CCDC88B: variants seen among roughly 807,000 people sequenced by gnomAD.
The protein encoded by CCDC88B is coiled-coil domain-containing protein 88B.
CCDC88B carries 138 observed loss-of-function variants against 183.7 expected under a neutral mutation model. That is an observed-to-expected ratio of 0.75 (90% CI 0.65 to 0.87). The LOEUF (loss-of-function observed/expected upper bound fraction) is 0.87. Among genes scored for constraint, CCDC88B ranks in the 40% least tolerant of loss-of-function variants. The pLI, the probability that CCDC88B is intolerant of heterozygous loss-of-function variation, is 0.00. For synonymous variants in CCDC88B, 835 were observed against 867.5 expected, an observed-to-expected ratio of 0.96 and a Z score of 0.66; for missense variants, 1,822 against 1,965.6, an observed-to-expected ratio of 0.93 and a Z score of 1.38.
chr11:64,342,530 G>C lies in CCDC88B; in HGVS notation c.912G>C (p.Ala304=), dbSNP rs2035915172. Reference sequence around the variant, plus strand: ...CACACCGTCTGGCCCAGGCCCAGGCGCTGTCGGGACAGGCCAAGCGGGCCG... The same window carrying C: ...CACACCGTCTGGCCCAGGCCCAGGCCCTGTCGGGACAGGCCAAGCGGGCCG... ...EIRRLRQEAQ[A]LSGQAKRAEL... The change falls in exon 10 of 27, where the codon GCG becomes GCC. Residue 304 remains alanine (A), a synonymous_variant. Coordinates refer to ENST00000356786, the MANE Select transcript of CCDC88B (RefSeq NM_032251.6). The C allele has an allele frequency of 6.5e-7, 1 of 1,529,234 alleles. No homozygotes were observed. The highest frequency in any genetic ancestry group is 8.7e-7 in the Non-Finnish European group (1 of 1,143,236). 94.7% of individuals were successfully genotyped at this position (1,529,234 alleles called of 1,614,324 possible).
rs769791175 is a variant in CCDC88B, at chr11:64,345,009, G to A, written c.2468G>A (p.Arg823Gln). The A allele has an allele frequency of 1.9e-5, 29 of 1,546,670 alleles. No homozygotes were observed. Among genetic ancestry groups the A allele is most frequent in the African/African-American group, 2.7e-5 (2 of 73,350 alleles). Residue 823 changes from arginine to glutamine, a missense_variant, in exon 14 of 27, where the codon CGG (arginine) becomes CAG (glutamine). By Grantham distance (43) the Arg-to-Gln change is conservative. Transcript: ENST00000356786. ...ALVEALAAAG[R>Q]ERRQWEREGS... ...GTGGAGGCGCTGGCAGCAGCGGGCCGGGAGCGGAGGCAGTGGGAGCGTGAG... is the reference window on the plus strand; with the variant it reads ...GTGGAGGCGCTGGCAGCAGCGGGCCAGGAGCGGAGGCAGTGGGAGCGTGAG...
chr11:64,349,693 G>A (rs752190762), intron 16 of CCDC88B, 25 bp downstream of exon 16: 1 of 1,561,734 alleles, frequency 6.4e-7, no homozygotes, highest in South Asian at 1.2e-5. Context: ...CCTGGGAGCT[G>A]GGGGCCATGC....
chr11:64,340,469 TG>T, intron 1 of CCDC88B, 137 bp from the exon 2 acceptor site: 1 of 1,205,968 alleles, frequency 8.3e-7, no homozygotes, highest in Admixed American at 2.9e-5. Flanking sequence ...AGATATGGTG[TG>T]GGGGGCTGTG....
rs570599340 is a variant in CCDC88B, at chr11:64,357,238, C to T, written c.*144C>T. 2.4e-5 allele frequency: 23 copies of T among 977,514 alleles called. No individual in the cohort carries two copies. The highest frequency in any genetic ancestry group is 2.0e-4 in the South Asian group (15 of 75,842). 60.6% of individuals were successfully genotyped at this position (977,514 alleles called of 1,614,324 possible). ...GAGGCCTGGGCCCTGAGATCCTCCA[C>T]GGTCAGCGCCGGGGCCCGGAGATGG... is the stretch of plus-strand genomic sequence containing the variant. On this transcript the variant is annotated 3_prime_UTR_variant, in exon 27 of 27. Coordinates refer to ENST00000356786, the MANE Select transcript of CCDC88B (RefSeq NM_032251.6).
Position 64,342,628 on chromosome 11 carries a change from G to C in CCDC88B, c.1010G>C (p.Arg337Thr), listed in dbSNP as rs1477334447. 6.6e-7 allele frequency: 1 copy of C among 1,526,512 alleles called. No homozygotes were observed. The highest frequency in any genetic ancestry group is 8.7e-7 in the Non-Finnish European group (1 of 1,143,460). The allele number at this position is 1,526,512 out of a possible 1,614,324, so 94.6% of individuals were successfully genotyped here. A position where few individuals can be genotyped will look rare whatever the true frequency, so the allele number is the denominator to read the frequency against. ...GRLPRLQEEL[R>T]RCRERLQAAE... ...CTGCCCCGCCTGCAGGAGGAGCTGAGGCGCTGCCGCGAGCGGCTGCAGGCG... is the reference window on the plus strand; with the variant it reads ...CTGCCCCGCCTGCAGGAGGAGCTGACGCGCTGCCGCGAGCGGCTGCAGGCG... The change falls in exon 10 of 27, where the codon AGG (arginine) becomes ACG (threonine). Residue 337 changes from arginine to threonine, a missense_variant. Coordinates refer to ENST00000356786, the MANE Select transcript of CCDC88B (RefSeq NM_032251.6).
rs35864060 is a variant in CCDC88B at position 64,344,578 on chromosome 11, C to T, written c.2037C>T (p.Ala679=). Residue 679 remains alanine (A), a synonymous_variant, in exon 14 of 27, where the codon GCC becomes GCT. Transcript: ENST00000356786. The surrounding 1 kb of genome is among the most constrained non-coding windows in gnomAD (Gnocchi z 4.5). ...GLDLATGQAE[A]REHDQRLEGT... ...ACCTGGCCACGGGACAAGCAGAGGC[C>T]AGAGAGCATGACCAGAGGCTGGAAG... The T allele has an allele frequency of 0.029, 46,830 of 1,608,222 alleles. 838 individuals are homozygous for T. Among genetic ancestry groups the T allele is most frequent in the Non-Finnish European group, 0.033 (39,155 of 1,177,238 alleles).
chr11:64,345,588 C>T (rs915603469), intron 14 of CCDC88B, among the ~76,000 whole-genome samples: 5 of 152,128 alleles, frequency 3.3e-5, no homozygotes, highest in African/African-American at 1.2e-4. Context: ...CTACGAGAGC[C>T]CATGGGAGGG....
intron 18 of CCDC88B, 102 bp from the exon 19 acceptor site, chr11:64,352,028 A>G (rs1263197986): frequency 6.9e-7 from 1 of 1,456,480 alleles, no homozygotes; most frequent in African/African-American, 1.4e-5. Flanking sequence ...CAACTCTCTC[A>G]TTGTCTTGGG....
chr11:64,353,517 CG>C, intron 22 of CCDC88B, 21 bp downstream of exon 22: 1 of 1,606,498 alleles, frequency 6.2e-7, no homozygotes, highest in Non-Finnish European at 8.5e-7. Context: ...CGCCTGGGAG[CG>C]GGGTGGGGCC....
chr11:64,349,459 G>T lies in CCDC88B; in HGVS notation c.2744+1G>T, dbSNP rs747212397. On this transcript the variant is annotated splice_donor_variant, in intron 15 of 26. Coordinates refer to ENST00000356786, the MANE Select transcript of CCDC88B (RefSeq NM_032251.6). LOFTEE classifies it high-confidence loss of function. ...GAGAAAAGGAAAGCCAGCACCAGAG[G>T]TGGGGACAGGGCTGAGGGGAAGAAT... is the stretch of plus-strand genomic sequence containing the variant. 1.2e-6 allele frequency: 2 copies of T among 1,611,918 alleles called. No individual in the cohort carries two copies. The highest frequency in any genetic ancestry group is 2.7e-5 in the African/African-American group (2 of 74,842).
At position 64,355,295 on chromosome 11, in the gene CCDC88B, CCGGTGGGGCGAAGCTCTG is replaced by C. The variant is rs1238977831; in HGVS notation, c.4202_4219del (p.Pro1401_Glu1407delinsGln). 1.3e-6 allele frequency: 2 copies of C among 1,590,458 alleles called. No homozygotes were observed. The highest frequency in any genetic ancestry group is 4.5e-5 in the East Asian group (2 of 43,960). On this transcript the variant is annotated inframe_deletion, in exon 25 of 27. Coordinates refer to ENST00000356786, the MANE Select transcript of CCDC88B (RefSeq NM_032251.6). ...GCGGCGGAAACTCAGCTCAAGGTTC[CCGGTGGGGCGAAGCTCTG>C]AGTCATTCAGCCCTGGGGACACCCC...
intron 26 of CCDC88B, 106 bp downstream of exon 26, chr11:64,355,734 G>A (rs777076897): frequency 3.5e-5 from 39 of 1,113,150 alleles, no homozygotes; most frequent in Non-Finnish European, 4.7e-5. Flanking sequence ...TTTACCAAGT[G>A]CCAGGTGACG....
rs201313417 is a variant in CCDC88B, at chr11:64,344,307, C to T, written c.1766C>T (p.Pro589Leu). 85 of 1,613,582 alleles carry T rather than the reference C, an allele frequency of 5.3e-5. 1 individual carries two copies. Among genetic ancestry groups the T allele is most frequent in the Admixed American group, 4.7e-4 (28 of 59,984 alleles). ...SGSPVETQES[P>L]EKAGRRSSLQ... ...TCTCCTGTGGAGACACAGGAGTCCC[C>T]GGAGAAGGCTGGCCGTAGATCCTCT... is the stretch of plus-strand genomic sequence containing the variant. Residue 589 changes from proline (P) to leucine (L), a missense_variant, in exon 14 of 27, where the codon CCG becomes CTG. Transcript: ENST00000356786. This position sits in a 1 kb window ranked among gnomAD's most constrained non-coding sequence, Gnocchi z 4.5.
At position 64,340,633 on chromosome 11, in the gene CCDC88B, G is replaced by C; in HGVS notation, c.87G>C (p.Gly29=). 1 of 1,610,448 alleles carries C rather than the reference G, an allele frequency of 6.2e-7. No individual in the cohort carries two copies. Among genetic ancestry groups the C allele is most frequent in the Non-Finnish European group, 8.5e-7 (1 of 1,179,686 alleles). ...TWALGLAGLV[G]EAEDSEGEEE... ...CGCTGGGACTGGCCGGGCTGGTCGG[G>C]GAGGCGGAGGACTCGGAGGGGGAAG... Residue 29 remains glycine (G), a synonymous_variant, in exon 2 of 27, where the codon GGG becomes GGC. Transcript: ENST00000356786.
In CCDC88B at chr11:64,342,563, C is replaced by G; in HGVS notation, c.945C>G (p.Tyr315Ter). Residue 315 changes from tyrosine to a stop codon, truncating the protein, a stop_gained, in exon 10 of 27, where the codon TAC becomes TAG. Coordinates refer to ENST00000356786, the MANE Select transcript of CCDC88B (RefSeq NM_032251.6). LOFTEE classifies it high-confidence loss of function. The stretch of plus-strand genomic sequence containing the variant: ...GACAGGCCAAGCGGGCCGAGCTGTA[C>G]CGCGAGGAGGCAGAGGCGCTGCGGG... ...LSGQAKRAEL[Y>*]REEAEALRER... 3.3e-6 allele frequency: 5 copies of G among 1,531,742 alleles called. No individual in the cohort carries two copies. The highest frequency in any genetic ancestry group is 4.4e-6 in the Non-Finnish European group (5 of 1,145,416). The allele number at this position is 1,531,742 out of a possible 1,614,324, so 94.9% of individuals were successfully genotyped here. A position where few individuals can be genotyped will look rare whatever the true frequency, so the allele number is the denominator to read the frequency against.
rs1199475312 is a variant in CCDC88B, at chr11:64,342,552, G to A, written c.934G>A (p.Ala312Thr). The change falls in exon 10 of 27, where the codon GCC (alanine) becomes ACC (threonine). Residue 312 changes from alanine to threonine, a missense_variant. By Grantham distance (58) the Ala-to-Thr change is moderately conservative. Transcript: ENST00000356786. ...GGCGCTGTCGGGACAGGCCAAGCGG[G>A]CCGAGCTGTACCGCGAGGAGGCAGA... ...AQALSGQAKRAELYREEAEAL... is the reference protein window; with the variant it reads ...AQALSGQAKRTELYREEAEAL... 1 of 1,531,310 alleles carries A rather than the reference G, an allele frequency of 6.5e-7. No individual in the cohort carries two copies. Among genetic ancestry groups the A allele is most frequent in the Non-Finnish European group, 8.7e-7 (1 of 1,145,040 alleles). The allele number at this position is 1,531,310 out of a possible 1,614,324, so 94.9% of individuals were successfully genotyped here. A position where few individuals can be genotyped will look rare whatever the true frequency, so the allele number is the denominator to read the frequency against.
chr11:64,352,713 C>G (rs1361339334), intron 19 of CCDC88B, 31 bp from the exon 20 acceptor site: 1 of 1,612,980 alleles, frequency 6.2e-7, no homozygotes, highest in East Asian at 2.2e-5. Flanking sequence ...CATAGGTTCA[C>G]ACAGCCCTCT....
Position 64,340,743 on chromosome 11 carries a change from T to TGGGCATCATGTAAG in CCDC88B, c.205_206+12dup, listed in dbSNP as rs1452012372. ...GATGGGGCCCTGCTCCTCCGGGTGCTGGGCATCATGTAAGGGGCATCGGGC... is the reference window on the plus strand; with the variant it reads ...GATGGGGCCCTGCTCCTCCGGGTGCTGGGCATCATGTAAGGGGCATCATGTAAGGGGCATCGGGC... On this transcript the variant is annotated stop_gained and frameshift_variant, in exon 2 of 27. Coordinates refer to ENST00000356786, the MANE Select transcript of CCDC88B (RefSeq NM_032251.6). LOFTEE classifies it high-confidence loss of function. 1 of 1,608,676 alleles carries TGGGCATCATGTAAG rather than the reference T, an allele frequency of 6.2e-7. No homozygotes were observed. The highest frequency in any genetic ancestry group is 8.5e-7 in the Non-Finnish European group (1 of 1,178,262).
intron 18 of CCDC88B, 21 bp downstream of exon 18, chr11:64,351,637 C>T: frequency 6.5e-7 from 1 of 1,543,776 alleles, no homozygotes; most frequent in South Asian, 1.2e-5. Flanking sequence ...GCCCGGGTGC[C>T]CATCCCTGCC....
Sources: gnomAD v4.1 joint callset for allele counts (sites outside exome capture counted in the v4.1 genomes callset) on GRCh38, gnomAD v4.1.1 for gene constraint, Gnocchi (gnomAD v3.1) non-coding constraint, MANE v1.5 for transcripts, NCBI Gene and HGNC (gene_info 2026-07-23, HGNC 2026-07-21) for gene names.